TRERF1: variants seen among roughly 807,000 people sequenced by gnomAD.
The protein encoded by TRERF1 is transcriptional-regulating factor 1.
Under a neutral mutation model 122.9 loss-of-function variants are expected in TRERF1, and 27 were observed. That is an observed-to-expected ratio of 0.22 (90% CI 0.16 to 0.30). The LOEUF is 0.30. Among genes scored for constraint, TRERF1 ranks in the 10% least tolerant of loss-of-function variants. The pLI is 1.00. For missense variants in TRERF1, 1,248 were observed against 1,560.3 expected, an observed-to-expected ratio of 0.80 and a Z score of 3.37; for synonymous variants, 636 against 641.7, an observed-to-expected ratio of 0.99 and a Z score of 0.13.
At chr6:42,423,607 T>C (rs950134567) in intron 2 of TRERF1, among the ~76,000 whole-genome samples, 1 of 152,140 alleles carries the variant, frequency 6.6e-6, no homozygotes, top group Non-Finnish European at 1.5e-5. Context: ...CCATATCCTA[T>C]CTGCATTTGT....
intron 3 of TRERF1, among the ~76,000 whole-genome samples, chr6:42,340,549 G>A (rs1767076094): frequency 6.6e-6 from 1 of 152,108 alleles, no homozygotes; most frequent in South Asian, 2.1e-4. Context: ...GCTTCAGAAA[G>A]GTCACCTTTC....
In TRERF1 at chr6:42,276,342, T is replaced by C. The variant is rs990189532; in HGVS notation, c.-258-6494A>G. 1.3e-5 allele frequency among the ~76,000 whole-genome samples: 2 copies of C among 152,242 alleles called. No homozygotes were observed. The highest frequency in any genetic ancestry group is 2.9e-5 in the Non-Finnish European group (2 of 68,052). On this transcript the variant is annotated intron_variant, in intron 4 of 17. Coordinates refer to ENST00000372922, the Ensembl canonical transcript of TRERF1. This position sits in a 1 kb window ranked among gnomAD's most constrained non-coding sequence, Gnocchi z 4.3. ...GCTCCGGCCAGACCACCATTGCTTG[T>C]TTGAGGAAGAAAAACCAAAAAGATT...
At chr6:42,251,333 G>A (rs1480321978) in intron 13 of TRERF1, among the ~76,000 whole-genome samples, 2 of 152,094 alleles carry the variant, frequency 1.3e-5, no homozygotes, top group Admixed American at 1.3e-4. Context: ...AGACAGACAT[G>A]TTCATTGCAG....
chr6:42,371,994 C>T (rs1004769205), intron 2 of TRERF1, among the ~76,000 whole-genome samples: 3 of 152,020 alleles, frequency 2.0e-5, no homozygotes, highest in African/African-American at 7.2e-5. Flanking sequence ...TCAGCCTGGC[C>T]AACATGGTGA....
chr6:42,296,820 T>C (rs2150200994), intron 4 of TRERF1, among the ~76,000 whole-genome samples: 1 of 152,276 alleles, frequency 6.6e-6, no homozygotes, highest in African/African-American at 2.4e-5. Flanking sequence ...GCCCACGGGA[T>C]CTGGCTTCAG....
At chr6:42,384,849 G>A (rs1380688223) in intron 2 of TRERF1, among the ~76,000 whole-genome samples, 1 of 151,740 alleles carries the variant, frequency 6.6e-6, no homozygotes, top group Admixed American at 6.6e-5. Flanking sequence ...GTGTCGCCCA[G>A]GCTGGAGTGC....
At position 42,276,482 on chromosome 6, in the gene TRERF1, G is replaced by A. The variant is rs1483454183; in HGVS notation, c.-258-6634C>T. On this transcript the variant is annotated intron_variant, in intron 4 of 17. Coordinates refer to ENST00000372922, the Ensembl canonical transcript of TRERF1. This position sits in a 1 kb window ranked among gnomAD's most constrained non-coding sequence, Gnocchi z 4.3. ...CGGCTCTGTCAAGGAAGCTTCACTC[G>A]ACTCCCCTGGGGCTCCTCTTAGTCC... is the stretch of plus-strand genomic sequence containing the variant. 6.6e-6 allele frequency among the ~76,000 whole-genome samples: 1 copy of A among 152,064 alleles called. No individual in the cohort carries two copies. Among genetic ancestry groups the A allele is most frequent in the African/African-American group, 2.4e-5 (1 of 41,384 alleles).
chr6:42,350,901 C>A (rs1163863481), intron 3 of TRERF1, among the ~76,000 whole-genome samples: 1 of 152,014 alleles, frequency 6.6e-6, no homozygotes, highest in Non-Finnish European at 1.5e-5. Context: ...ATCCCTTGTA[C>A]ATGATTTTTC....
intron 3 of TRERF1, among the ~76,000 whole-genome samples, chr6:42,309,838 G>A (rs1787929143): frequency 6.6e-6 from 1 of 151,990 alleles, no homozygotes; most frequent in African/African-American, 2.4e-5. Flanking sequence ...CCAGGCTGGA[G>A]TGCAGTGGCA....
chr6:42,326,074 C>T (rs1366391586), intron 3 of TRERF1, among the ~76,000 whole-genome samples: 6 of 152,196 alleles, frequency 3.9e-5, no homozygotes, highest in Non-Finnish European at 8.8e-5. Flanking sequence ...ACTATGTTCA[C>T]TACCTGGGTG....
chr6:42,443,306 G>A (rs952091454), intron 2 of TRERF1, among the ~76,000 whole-genome samples: 3 of 152,154 alleles, frequency 2.0e-5, no homozygotes, highest in African/African-American at 7.2e-5. Context: ...TCATAATAAA[G>A]ATCATTTTTA....
In TRERF1 at chr6:42,383,523, C is replaced by T. The variant is rs143597121; in HGVS notation, c.-453-20444G>A. On this transcript the variant is annotated intron_variant, in intron 2 of 17. Coordinates refer to ENST00000372922, the Ensembl canonical transcript of TRERF1. ...TTCAACCCACCAGGAGGCACTTGCT[C>T]TCCATATGAGTCAGACTGTTCCCCG... is the stretch of plus-strand genomic sequence containing the variant. Among the ~76,000 whole-genome samples, 155 of 152,266 alleles carry T rather than the reference C, an allele frequency of 1.0e-3. No homozygotes were observed. In the Middle Eastern group the frequency reaches 0.01, roughly 10 times the overall value.
Position 42,228,718 on chromosome 6 carries a change from T to C in TRERF1, c.3279-49A>G, listed in dbSNP as rs141185737. On this transcript the variant is annotated intron_variant, in intron 17 of 17. Transcript: ENST00000372922. This position sits in a 1 kb window ranked among gnomAD's most constrained non-coding sequence, Gnocchi z 4.2. ...TGTAGAATTTAGAAGGAGATCTGAGTTCTTGGAAATCCAGGTGTCCTACGG... is the reference window on the plus strand; with the variant it reads ...TGTAGAATTTAGAAGGAGATCTGAGCTCTTGGAAATCCAGGTGTCCTACGG... 1.8e-4 allele frequency: 279 copies of C among 1,523,910 alleles called. 1 individual carries two copies. In the East Asian group the frequency reaches 5.9e-3, roughly 32 times the overall value. The allele number at this position is 1,523,910 out of a possible 1,614,324, so 94.4% of individuals were successfully genotyped here.
At chr6:42,352,427 T>A (rs530906623) in intron 3 of TRERF1, among the ~76,000 whole-genome samples, 6 of 152,374 alleles carry the variant, frequency 3.9e-5, no homozygotes, top group African/African-American at 1.4e-4. Context: ...GGTATATTTT[T>A]AAAATGTATT....
chr6:42,289,473 T>C (rs35264845), intron 4 of TRERF1, among the ~76,000 whole-genome samples: 4,145 of 152,262 alleles, frequency 0.027, 56 homozygotes, highest in Non-Finnish European at 0.037. Context: ...CGGGCTTTGC[T>C]GCCAAGAGGC....
At chr6:42,352,951 T>G (rs1769746430) in intron 3 of TRERF1, among the ~76,000 whole-genome samples, 1 of 152,190 alleles carries the variant, frequency 6.6e-6, no homozygotes, top group African/African-American at 2.4e-5. Flanking sequence ...AAAAGGAGTT[T>G]AAAATTGTAT....
chr6:42,256,644 G>T, intron 12 of TRERF1, 84 bp downstream of exon 12: 3 of 1,186,370 alleles, frequency 2.5e-6, no homozygotes, highest in Non-Finnish European at 3.8e-6. Flanking sequence ...ATTACAAATT[G>T]GTTGTATGGT....
chr6:42,403,796 A>G (rs1779762590), intron 2 of TRERF1, among the ~76,000 whole-genome samples: 1 of 152,150 alleles, frequency 6.6e-6, no homozygotes, highest in South Asian at 2.1e-4. Flanking sequence ...CGGAGCTTAT[A>G]TCCTTCAAAT....
At chr6:42,262,434 CAGAG>C (rs71778190) in intron 8 of TRERF1, among the ~76,000 whole-genome samples, 241 of 22,492 alleles carry the variant, frequency 0.011, 7 homozygotes, top group Middle Eastern at 0.083. Context: ...TCCCTAGGGG[CAGAG>C]AGAGAGAGAG....
Sources: allele counts gnomAD v4.1 joint callset (sites outside exome capture counted in the v4.1 genomes callset), GRCh38; gene constraint gnomAD v4.1.1; non-coding constraint Gnocchi (gnomAD v3.1); transcripts MANE v1.5; gene names NCBI Gene and HGNC (gene_info 2026-07-23, HGNC 2026-07-21).